The following XRCC4 variants were observed in gnomAD, a reference collection of about 807,000 sequenced individuals.
The protein encoded by XRCC4 is DNA repair protein XRCC4.
In XRCC4, 28 loss-of-function variants were observed where a neutral mutation model predicts 39.1. The ratio of observed to expected loss-of-function variants is 0.72; its 90% CI spans 0.53 to 0.98. The LOEUF (loss-of-function observed/expected upper bound fraction) is 0.98. Among genes scored for constraint, XRCC4 ranks in the 50% least tolerant of loss-of-function variants. The pLI, the probability that XRCC4 is intolerant of heterozygous loss-of-function variation, is 0.00. For missense variants in XRCC4, 350 were observed against 376.4 expected, an observed-to-expected ratio of 0.93 and a Z score of 0.58; for synonymous variants, 123 against 126.4, an observed-to-expected ratio of 0.97 and a Z score of 0.18.
chr5:83,116,764 G>A (rs1240806480), intron 3 of XRCC4, among the ~76,000 whole-genome samples: 1 of 151,798 alleles, frequency 6.6e-6, no homozygotes, highest in East Asian at 1.9e-4. Context: ...TGGGATTACA[G>A]GTGCATGTCA....
At chr5:83,176,317 A>G (rs1749955263) in intron 3 of XRCC4, among the ~76,000 whole-genome samples, 1 of 152,186 alleles carries the variant, frequency 6.6e-6, no homozygotes, top group African/African-American at 2.4e-5. Flanking sequence ...CAGAAAATAC[A>G]TAAAGTAAAA....
chr5:83,279,004 C>CA (rs529797820), intron 7 of XRCC4, among the ~76,000 whole-genome samples: 2,979 of 60,692 alleles, frequency 0.049, 108 homozygotes, highest in African/African-American at 0.12. Context: ...CCATCTCTAC[C>CA]AAAAAAAAAA....
chr5:83,240,620 C>T (rs183337601), intron 6 of XRCC4, among the ~76,000 whole-genome samples: 27 of 152,088 alleles, frequency 1.8e-4, no homozygotes, highest in Non-Finnish European at 2.8e-4. Flanking sequence ...TTTGGGGCCA[C>T]ACAAAAAAAT....
At chr5:83,346,052 CG>C (rs1756908259) in intron 7 of XRCC4, among the ~76,000 whole-genome samples, 1 of 152,060 alleles carries the variant, frequency 6.6e-6, no homozygotes, top group African/African-American at 2.4e-5. Flanking sequence ...ATATACACCA[CG>C]TTTTAGTGAG....
At chr5:83,286,462 G>A (rs917749533) in intron 7 of XRCC4, among the ~76,000 whole-genome samples, 1 of 152,054 alleles carries the variant, frequency 6.6e-6, no homozygotes, top group African/African-American at 2.4e-5. Flanking sequence ...ATGTGATTAT[G>A]GGGGCTGGCA....
chr5:83,217,395 G>A (rs1028981669), intron 6 of XRCC4, among the ~76,000 whole-genome samples: 1 of 145,560 alleles, frequency 6.9e-6, no homozygotes, highest in Non-Finnish European at 1.5e-5. Flanking sequence ...GATAATTTGA[G>A]CTGTTCAGAA....
At chr5:83,175,087 G>A (rs1749893697) in intron 3 of XRCC4, among the ~76,000 whole-genome samples, 1 of 152,122 alleles carries the variant, frequency 6.6e-6, no homozygotes, top group South Asian at 2.1e-4. Flanking sequence ...AGCTTATTGA[G>A]TACACCTCAT....
intron 3 of XRCC4, among the ~76,000 whole-genome samples, chr5:83,130,302 A>C (rs1413189805): frequency 6.6e-6 from 1 of 152,218 alleles, no homozygotes; most frequent in African/African-American, 2.4e-5. Context: ...CCAGCCTTGC[A>C]TCCCAGGGAT....
intron 6 of XRCC4, among the ~76,000 whole-genome samples, chr5:83,220,221 G>A (rs1385211423): frequency 6.6e-6 from 1 of 152,136 alleles, no homozygotes; most frequent in Non-Finnish European, 1.5e-5. Context: ...TCCCAGGAAC[G>A]TGAAGCTAGA....
At chr5:83,315,396 C>G (rs953033661) in intron 7 of XRCC4, among the ~76,000 whole-genome samples, 4 of 152,142 alleles carry the variant, frequency 2.6e-5, no homozygotes, top group African/African-American at 7.2e-5. Context: ...TCCTGAAGAT[C>G]TAGCTGAGAT....
downstream of XRCC4, chr5:83,356,806 TATC>T (rs1757194852): frequency 9.0e-6 from 4 of 444,908 alleles, no homozygotes; most frequent in Non-Finnish European, 1.8e-5. Context: ...TTTTTGACCT[TATC>T]ATCCTCACCT....
intron 7 of XRCC4, among the ~76,000 whole-genome samples, chr5:83,332,525 T>C (rs1756471260): frequency 6.6e-6 from 1 of 152,290 alleles, no homozygotes; most frequent in South Asian, 2.1e-4. Flanking sequence ...TCAATCAAGA[T>C]GGTGATGTTA....
chr5:83,231,205 TA>T (rs1038057279), intron 6 of XRCC4, among the ~76,000 whole-genome samples: 1 of 152,012 alleles, frequency 6.6e-6, no homozygotes, highest in Non-Finnish European at 1.5e-5. Context: ...CTGGAAGCTG[TA>T]TATATGTGAA....
chr5:83,368,354 A>T, the XRCC4 span, among the ~76,000 whole-genome samples: 2 of 152,174 alleles, frequency 1.3e-5, no homozygotes, highest in Non-Finnish European at 1.5e-5. Context: ...GGCCTGGTGC[A>T]CAAGAATGGC....
chr5:83,333,090 T>C (rs781457584), intron 7 of XRCC4, among the ~76,000 whole-genome samples: 1 of 152,092 alleles, frequency 6.6e-6, no homozygotes, highest in Non-Finnish European at 1.5e-5. Flanking sequence ...GAATAGACTT[T>C]CAACAGAATT....
At chr5:83,184,490 G>GA (rs979412742) in intron 3 of XRCC4, among the ~76,000 whole-genome samples, 3 of 151,342 alleles carry the variant, frequency 2.0e-5, no homozygotes, top group African/African-American at 7.3e-5. Flanking sequence ...TTATAGTTAG[G>GA]AAAAAAAATT....
Position 83,092,690 on chromosome 5 carries a change from CTGCTA to C in XRCC4, c.-10-12218_-10-12214del, listed in dbSNP as rs201816038. 8.1e-4 allele frequency among the ~76,000 whole-genome samples: 123 copies of C among 152,140 alleles called. 3 individuals carry two copies. In the East Asian group the frequency reaches 0.021, roughly 26 times the overall value. ...TGAGTTGTATTTAATCAATGTTAAG[CTGCTA>C]TCAGGTTAAAATAGACAGAAGTGTA... On this transcript the variant is annotated intron_variant, in intron 1 of 7. Coordinates refer to ENST00000396027, the MANE Select transcript of XRCC4 (RefSeq NM_003401.5).
At chr5:83,128,950 C>A (rs888900481) in intron 3 of XRCC4, among the ~76,000 whole-genome samples, 2 of 152,092 alleles carry the variant, frequency 1.3e-5, no homozygotes, top group African/African-American at 4.8e-5. Context: ...ACGATAGTTT[C>A]TTTTGCTGTG....
At chr5:83,352,627 G>T (rs1757114152) in intron 7 of XRCC4, among the ~76,000 whole-genome samples, 1 of 152,158 alleles carries the variant, frequency 6.6e-6, no homozygotes. Flanking sequence ...CATTTCATCA[G>T]CAACTGCTAT....
Sources: allele counts gnomAD v4.1 joint callset (sites outside exome capture counted in the v4.1 genomes callset), GRCh38; gene constraint gnomAD v4.1.1; transcripts MANE v1.5; gene names NCBI Gene and HGNC (gene_info 2026-07-23, HGNC 2026-07-21).